Variants in PCSK2 observed in about 807,000 individuals in gnomAD.
The protein encoded by PCSK2 is neuroendocrine convertase 2.
A neutral mutation model predicts 69.7 loss-of-function variants in PCSK2; 14 were observed. That is an observed-to-expected ratio of 0.20 (90% CI 0.13 to 0.31). The LOEUF is 0.31. Ranked by LOEUF, PCSK2 falls within the 10% of genes least tolerant of loss-of-function variation. PCSK2 has a pLI of 1.00. For missense variants in PCSK2, 544 were observed against 842.5 expected (o/e 0.65, Z 4.39); for synonymous variants, 307 against 320.7 (o/e 0.96, Z 0.46).
At chr20:17,369,148 C>A in intron 4 of PCSK2, 92 bp from the exon 5 acceptor site, 1 of 1,091,532 alleles carries the variant, frequency 9.2e-7, no homozygotes, top group Non-Finnish European at 1.4e-6. Flanking sequence ...GGCACCAGCC[C>A]CATAAAGAGG....
chr20:17,329,167 C>A (rs1990146936), intron 2 of PCSK2, among the ~76,000 whole-genome samples: 1 of 152,058 alleles, frequency 6.6e-6, no homozygotes. Context: ...TTGTATTTGG[C>A]AAAACTTCAA....
At chr20:17,322,198 G>A (rs934458935) in intron 2 of PCSK2, among the ~76,000 whole-genome samples, 1 of 152,136 alleles carries the variant, frequency 6.6e-6, no homozygotes, top group African/African-American at 2.4e-5. Context: ...TGGTTTTAGG[G>A]CCTGAGCTGG....
At chr20:17,364,588 A>G (rs1214529812) in intron 4 of PCSK2, among the ~76,000 whole-genome samples, 2 of 152,136 alleles carry the variant, frequency 1.3e-5, no homozygotes, top group Non-Finnish European at 2.9e-5. Flanking sequence ...ATTCACTACC[A>G]CGAAAACAGT....
At chr20:17,281,222 C>T (rs1257870482) in intron 2 of PCSK2, among the ~76,000 whole-genome samples, 1 of 152,220 alleles carries the variant, frequency 6.6e-6, no homozygotes, top group African/African-American at 2.4e-5. Flanking sequence ...TCTTTGTCCT[C>T]CTAACTGTGC....
chr20:17,426,374 C>T (rs773223022), intron 6 of PCSK2, among the ~76,000 whole-genome samples: 4 of 152,190 alleles, frequency 2.6e-5, no homozygotes, highest in Non-Finnish European at 5.9e-5. Flanking sequence ...ACCCTCTTTC[C>T]TTTATAAATT....
At chr20:17,443,570 C>A (rs1195175419) in intron 8 of PCSK2, among the ~76,000 whole-genome samples, 1 of 152,152 alleles carries the variant, frequency 6.6e-6, no homozygotes, top group African/African-American at 2.4e-5. Context: ...CACTGAGAGG[C>A]ACTTTTTTTG....
At chr20:17,307,145 T>A (rs1989351718) in intron 2 of PCSK2, among the ~76,000 whole-genome samples, 2 of 152,184 alleles carry the variant, frequency 1.3e-5, no homozygotes, top group South Asian at 4.1e-4. Flanking sequence ...CTTCTTAATT[T>A]GACAAATTTT....
chr20:17,270,753 G>A (rs1381973406), intron 2 of PCSK2, among the ~76,000 whole-genome samples: 3 of 151,904 alleles, frequency 2.0e-5, no homozygotes, highest in African/African-American at 4.8e-5. Context: ...GCAAAGAAAA[G>A]CAATTAAAAC....
In PCSK2 at chr20:17,313,309, G is replaced by A. The variant is rs553775437; in HGVS notation, c.283-45018G>A. Among the ~76,000 whole-genome samples the A allele has an allele frequency of 1.9e-4, 29 of 152,100 alleles. No homozygotes were observed. The South Asian group carries it at 3.1e-3, about 16-fold the overall frequency. ...AGTCCACACCTGGCCAGGAGCTGAC[G>A]GTCTAGCTCCTGTGAGTAAGCTAGT... On this transcript the variant is annotated intron_variant, in intron 2 of 11. Coordinates refer to ENST00000262545, the MANE Select transcript of PCSK2 (RefSeq NM_002594.5).
chr20:17,319,584 T>C (rs777727239), intron 2 of PCSK2, among the ~76,000 whole-genome samples: 1 of 152,170 alleles, frequency 6.6e-6, no homozygotes, highest in Non-Finnish European at 1.5e-5. Context: ...TTCAAGCATC[T>C]GCTTATAGCA....
intron 2 of PCSK2, among the ~76,000 whole-genome samples, chr20:17,302,656 G>C (rs548476903): frequency 6.6e-6 from 1 of 152,284 alleles, no homozygotes; most frequent in South Asian, 2.1e-4. Flanking sequence ...TTCATGGGTA[G>C]ACAGCCCTGT....
intron 1 of PCSK2, 46 bp from the exon 2 acceptor site, chr20:17,260,194 C>G: frequency 7.8e-7 from 1 of 1,285,430 alleles, no homozygotes. Flanking sequence ...GTCCCTGGGC[C>G]AACCCCAGAA....
At chr20:17,462,705 T>C (rs1351550020) in intron 10 of PCSK2, among the ~76,000 whole-genome samples, 1 of 152,174 alleles carries the variant, frequency 6.6e-6, no homozygotes, top group East Asian at 1.9e-4. Context: ...ATACAATCAC[T>C]TCATTGCGCA....
intron 1 of PCSK2, among the ~76,000 whole-genome samples, chr20:17,253,042 T>C (rs1207320579): frequency 2.0e-5 from 3 of 152,178 alleles, no homozygotes; most frequent in African/African-American, 7.2e-5. Flanking sequence ...ATATACAACC[T>C]TATAGGGAAA....
intron 2 of PCSK2, among the ~76,000 whole-genome samples, chr20:17,319,615 C>CA (rs1435238324): frequency 6.6e-6 from 1 of 151,742 alleles, no homozygotes; most frequent in Admixed American, 6.6e-5. Flanking sequence ...ATTCCACTGG[C>CA]AAAAGCAAGT....
At chr20:17,302,661 C>G (rs1321690681) in intron 2 of PCSK2, among the ~76,000 whole-genome samples, 1 of 152,154 alleles carries the variant, frequency 6.6e-6, no homozygotes, top group Non-Finnish European at 1.5e-5. Context: ...GGGTAGACAG[C>G]CCTGTTTCAA....
chr20:17,483,353 C>T lies in PCSK2; in HGVS notation c.*1283C>T, dbSNP rs963942532. ...GTCACCTTCTCGGCAACTAAGCAGT[C>T]CCTGAGACCATTTAACATGCAACCC... On this transcript the variant is annotated 3_prime_UTR_variant, in exon 12 of 12. Transcript: ENST00000262545. 3.9e-5 allele frequency: 6 copies of T among 152,168 alleles called. 1 individual carries two copies. The highest frequency in any genetic ancestry group is 1.4e-4 in the African/African-American group (6 of 41,418). The allele number at this position is 152,168 out of a possible 1,614,324, so 9.4% of individuals were successfully genotyped here.
At chr20:17,255,757 T>A (rs1987155371) in intron 1 of PCSK2, among the ~76,000 whole-genome samples, 1 of 152,244 alleles carries the variant, frequency 6.6e-6, no homozygotes, top group African/African-American at 2.4e-5. Flanking sequence ...GATATATTTA[T>A]TATAGTAATT....
intron 2 of PCSK2, among the ~76,000 whole-genome samples, chr20:17,349,792 G>A (rs2029921353): frequency 6.6e-6 from 1 of 152,032 alleles, no homozygotes; most frequent in African/African-American, 2.4e-5. Flanking sequence ...CAGCACACTG[G>A]CTCACTACGC....
Sources: allele counts gnomAD v4.1 joint callset (sites outside exome capture counted in the v4.1 genomes callset), GRCh38; gene constraint gnomAD v4.1.1; transcripts MANE v1.5; gene names NCBI Gene and HGNC (gene_info 2026-07-23, HGNC 2026-07-21).